CAMKK2: variants seen among roughly 807,000 people sequenced by gnomAD.
The protein encoded by CAMKK2 is calcium/calmodulin-dependent protein kinase kinase 2.
CAMKK2 carries 30 observed loss-of-function variants against 67.2 expected under a neutral mutation model. The ratio of observed to expected loss-of-function variants is 0.45; its 90% CI spans 0.33 to 0.61. The LOEUF (loss-of-function observed/expected upper bound fraction) is 0.61. Among genes scored for constraint, CAMKK2 ranks in the 20% least tolerant of loss-of-function variants. The pLI is 0.02. For missense variants in CAMKK2, 643 were observed against 802.0 expected, an observed-to-expected ratio of 0.80 and a Z score of 2.39; for synonymous variants, 322 against 326.2, an observed-to-expected ratio of 0.99 and a Z score of 0.14.
chr12:121,258,022 C>CTTT (rs5801429), intron 7 of CAMKK2, among the ~76,000 whole-genome samples: 1 of 120,068 alleles, frequency 8.3e-6, no homozygotes, highest in African/African-American at 3.3e-5. Context: ...GAGTTTTCTA[C>CTTT]TTTTTTTTTT....
intron 1 of CAMKK2, among the ~76,000 whole-genome samples, chr12:121,293,813 G>A (rs955542280): frequency 6.6e-6 from 1 of 152,090 alleles, no homozygotes; most frequent in Admixed American, 6.6e-5. Flanking sequence ...ACACCAGTCT[G>A]AGGAGATTTC....
intron 14 of CAMKK2, among the ~76,000 whole-genome samples, chr12:121,247,763 C>A (rs1403489995): frequency 6.6e-6 from 1 of 152,182 alleles, no homozygotes; most frequent in Non-Finnish European, 1.5e-5. Context: ...GGAGCAGCAT[C>A]TGGGCTCCTA....
Position 121,274,320 on chromosome 12 carries a change from C to T in CAMKK2, c.207G>A (p.Ala69=), listed in dbSNP as rs757938615. ...EPGCAVDLGL[A]RDRPLEADGQ... is the part of the protein sequence containing the mutation. ...CATCGGCCTCCAGGGGCCGGTCCCG[C>T]GCCAAGCCGAGGTCCACAGCACAGC... Residue 69 remains alanine (A), a synonymous_variant, in exon 2 of 17, where the codon GCG becomes GCA. Transcript: ENST00000404169. 1.7e-5 allele frequency: 27 copies of T among 1,613,114 alleles called. No individual in the cohort carries two copies. The highest frequency in any genetic ancestry group is 8.8e-5 in the South Asian group (8 of 91,088).
At chr12:121,294,688 A>G (rs1900783222) in intron 1 of CAMKK2, among the ~76,000 whole-genome samples, 1 of 152,150 alleles carries the variant, frequency 6.6e-6, no homozygotes, top group South Asian at 2.1e-4. Flanking sequence ...CTTCTATAAA[A>G]TGGGGCTAAA....
At position 121,270,943 on chromosome 12, in the gene CAMKK2, G is replaced by A. The variant is rs1287869451; in HGVS notation, c.474C>T (p.Asp158=). The A allele has an allele frequency of 1.2e-6, 2 of 1,612,930 alleles. No homozygotes were observed. The highest frequency in any genetic ancestry group is 1.7e-6 in the Non-Finnish European group (2 of 1,179,122). ...SHHVSITGMQ[D]CVQLNQYTLK... ...GGGTATACTGATTCAGCTGCACACAGTCCTAGAGAGTAAGGAGAGACACGT... is the reference window on the plus strand; with the variant it reads ...GGGTATACTGATTCAGCTGCACACAATCCTAGAGAGTAAGGAGAGACACGT... Residue 158 remains aspartate (D), a splice_region_variant and synonymous_variant, in exon 3 of 17, where the codon GAC becomes GAT. Coordinates refer to ENST00000404169, the MANE Select transcript of CAMKK2 (RefSeq NM_001270485.2).
rs1889269218 is a variant in CAMKK2, at chr12:121,245,498, C to A, written c.1453-258G>T. 6.6e-6 allele frequency among the ~76,000 whole-genome samples: 1 copy of A among 152,196 alleles called. No individual in the cohort carries two copies. Among genetic ancestry groups the A allele is most frequent in the Non-Finnish European group, 1.5e-5 (1 of 68,038 alleles). ...CTCTCCCAGGCCTCCCTGCTTTCCA[C>A]CTCCCTCCCTCCCATCCCTTCCAAA... On this transcript the variant is annotated intron_variant, in intron 14 of 16. Transcript: ENST00000404169. This position sits in a 1 kb window ranked among gnomAD's most constrained non-coding sequence, Gnocchi z 5.8.
intron 5 of CAMKK2, among the ~76,000 whole-genome samples, chr12:121,264,841 C>T (rs554826147): frequency 3.3e-5 from 5 of 150,266 alleles, no homozygotes; most frequent in African/African-American, 7.4e-5. Context: ...TATGGTGGCA[C>T]GTGCCTGTGG....
chr12:121,274,574 C>T lies in CAMKK2; in HGVS notation c.-48G>A. On this transcript the variant is annotated 5_prime_UTR_variant, in exon 2 of 17. Transcript: ENST00000404169. Reference sequence around the variant, plus strand: ...AGCACACTGGGGCACTCCCATCCGGCAGCGGAGCCACCTGCAGAAAGAGAA... The same window carrying T: ...AGCACACTGGGGCACTCCCATCCGGTAGCGGAGCCACCTGCAGAAAGAGAA... The T allele has an allele frequency of 1.5e-6, 2 of 1,353,760 alleles. No homozygotes were observed. The highest frequency in any genetic ancestry group is 2.0e-6 in the Non-Finnish European group (2 of 989,660). 83.9% of individuals were successfully genotyped at this position (1,353,760 alleles called of 1,614,324 possible). A position where few individuals can be genotyped will look rare whatever the true frequency, so the allele number is the denominator to read the frequency against.
chr12:121,269,697 G>A (rs1895338864), intron 3 of CAMKK2, 116 bp from the exon 4 acceptor site: 2 of 762,078 alleles, frequency 2.6e-6, no homozygotes, highest in Admixed American at 5.1e-5. Context: ...TCCCGCAACT[G>A]TATTTTGTTG....
chr12:121,242,324 C>T (rs1295011554), intron 16 of CAMKK2, among the ~76,000 whole-genome samples: 1 of 149,016 alleles, frequency 6.7e-6, no homozygotes. Flanking sequence ...ACCTGGGCAA[C>T]AGTGCAAGAC....
In CAMKK2 at chr12:121,245,987, T is replaced by G. The variant is rs1889360744; in HGVS notation, c.1453-747A>C. Among the ~76,000 whole-genome samples, 1 of 151,788 alleles carries G rather than the reference T, an allele frequency of 6.6e-6. No individual in the cohort carries two copies. Among genetic ancestry groups the G allele is most frequent in the South Asian group, 2.1e-4 (1 of 4,808 alleles). ...CGGACCCTGAAAACCTTCTCCTACG[T>G]CAAAGTAGCCAGGCCCGAAAGGCCT... On this transcript the variant is annotated intron_variant, in intron 14 of 16. Transcript: ENST00000404169. The surrounding 1 kb of genome is among the most constrained non-coding windows in gnomAD (Gnocchi z 5.8).
At chr12:121,264,779 T>A (rs1254049983) in intron 5 of CAMKK2, among the ~76,000 whole-genome samples, 3 of 44,992 alleles carry the variant, frequency 6.7e-5, no homozygotes, top group East Asian at 8.1e-4. Flanking sequence ...GTCTCAAAAA[T>A]AATAATAATA....
At position 121,249,783 on chromosome 12, in the gene CAMKK2, G is replaced by T. The variant is rs377346679; in HGVS notation, c.1323+4C>A. ...GCACGGGGCACAGGCTGAGCCAAGGGTACCTTGATTTCCGGCACCACGATC... is the reference window on the plus strand; with the variant it reads ...GCACGGGGCACAGGCTGAGCCAAGGTTACCTTGATTTCCGGCACCACGATC... On this transcript the variant is annotated splice_donor_region_variant and intron_variant, in intron 13 of 16. Coordinates refer to ENST00000404169, the MANE Select transcript of CAMKK2 (RefSeq NM_001270485.2). 2 of 1,613,542 alleles carry T rather than the reference G, an allele frequency of 1.2e-6. No homozygotes were observed. Among genetic ancestry groups the T allele is most frequent in the African/African-American group, 2.7e-5 (2 of 74,910 alleles).
chr12:121,248,811 A>G, intron 13 of CAMKK2, 77 bp from the exon 14 acceptor site: 5 of 1,557,300 alleles, frequency 3.2e-6, no homozygotes, highest in South Asian at 2.2e-5. Flanking sequence ...CGGAGCCACA[A>G]GGGCATGCAG....
At chr12:121,248,557 C>T (rs373381239) in intron 14 of CAMKK2, 49 bp downstream of exon 14, 23 of 1,611,624 alleles carry the variant, frequency 1.4e-5, no homozygotes, top group Non-Finnish European at 2.0e-5. Context: ...CCAGGCCCCA[C>T]CTCAGGCTCC....
chr12:121,271,704 C>T (rs1285595973), intron 2 of CAMKK2, among the ~76,000 whole-genome samples: 1 of 152,094 alleles, frequency 6.6e-6, no homozygotes, highest in Non-Finnish European at 1.5e-5. Flanking sequence ...AAAATTAAAA[C>T]TTTGGCTTTT....
At position 121,285,722 on chromosome 12, in the gene CAMKK2, G is replaced by A. The variant is rs1898612638; in HGVS notation, c.-60+10916C>T. Among the ~76,000 whole-genome samples, 1 of 152,178 alleles carries A rather than the reference G, an allele frequency of 6.6e-6. No individual in the cohort carries two copies. Among genetic ancestry groups the A allele is most frequent in the Admixed American group, 6.5e-5 (1 of 15,274 alleles). On this transcript the variant is annotated intron_variant, in intron 1 of 16. Transcript: ENST00000404169. The surrounding 1 kb of genome is among the most constrained non-coding windows in gnomAD (Gnocchi z 4.1). Reference sequence around the variant, plus strand: ...AGCTACTAGGGAGGCTGAGGTGGGAGGATCGCTTGAGCTGGGGAGGTTGAT... The same window carrying A: ...AGCTACTAGGGAGGCTGAGGTGGGAAGATCGCTTGAGCTGGGGAGGTTGAT...
chr12:121,268,618 C>A lies in CAMKK2; in HGVS notation c.625+20G>T, dbSNP rs1437457634. 6.2e-7 allele frequency: 1 copy of A among 1,613,432 alleles called. No homozygotes were observed. The highest frequency in any genetic ancestry group is 2.2e-5 in the East Asian group (1 of 44,874). On this transcript the variant is annotated intron_variant, in intron 5 of 16. Coordinates refer to ENST00000404169, the MANE Select transcript of CAMKK2 (RefSeq NM_001270485.2). ...TTGTCCCAGCCCCTGTACCTAACAA[C>A]AAAGGCCCGCCAAACTCACGTGGAA...
intron 6 of CAMKK2, 88 bp downstream of exon 6, chr12:121,263,718 C>A: frequency 7.4e-7 from 1 of 1,354,796 alleles, no homozygotes; most frequent in Non-Finnish European, 1.0e-6. Context: ...CTGGTGTGAC[C>A]TGGCTCTCCC....
Sources: allele counts gnomAD v4.1 joint callset (sites outside exome capture counted in the v4.1 genomes callset), GRCh38; gene constraint gnomAD v4.1.1; non-coding constraint Gnocchi (gnomAD v3.1); transcripts MANE v1.5; gene names NCBI Gene and HGNC (gene_info 2026-07-23, HGNC 2026-07-21).